SLC9A9: variants seen among roughly 807,000 people sequenced by gnomAD.
The protein encoded by SLC9A9 is solute carrier family 9 member A9.
In SLC9A9, 62 loss-of-function variants were observed where a neutral mutation model predicts 77.8. That is an observed-to-expected ratio of 0.80 (90% CI 0.65 to 0.98). The LOEUF is 0.98. SLC9A9 is among the 50% of genes least tolerant of loss of function. The pLI is 0.00. For missense variants in SLC9A9, 775 were observed against 774.9 expected (o/e 1.00, Z 0.00); for synonymous variants, 320 against 283.5 (o/e 1.13, Z -1.29).
At chr3:143,328,686 C>T (rs888065666) in intron 14 of SLC9A9, among the ~76,000 whole-genome samples, 3 of 152,220 alleles carry the variant, frequency 2.0e-5, no homozygotes, top group Non-Finnish European at 2.9e-5. Context: ...CCAGCCTTCA[C>T]ATGTTGTACA....
chr3:143,815,864 CA>C (rs1292491445), intron 2 of SLC9A9, among the ~76,000 whole-genome samples: 1 of 151,864 alleles, frequency 6.6e-6, no homozygotes, highest in Admixed American at 6.6e-5. Context: ...GATTCCATCT[CA>C]AAAAAACAAA....
chr3:143,768,260 T>A (rs1458045728), intron 4 of SLC9A9, among the ~76,000 whole-genome samples: 1 of 152,184 alleles, frequency 6.6e-6, no homozygotes, highest in Non-Finnish European at 1.5e-5. Flanking sequence ...ATTCCTGTGA[T>A]AATAAGTAAT....
chr3:143,622,940 C>T (rs1281090945), intron 6 of SLC9A9, among the ~76,000 whole-genome samples: 1 of 152,058 alleles, frequency 6.6e-6, no homozygotes, highest in Non-Finnish European at 1.5e-5. Flanking sequence ...AAATGGAAAA[C>T]AAAGAAAGGC....
intron 13 of SLC9A9, 47 bp from the exon 14 acceptor site, chr3:143,363,610 A>AT (rs774467845): frequency 1.3e-6 from 2 of 1,524,382 alleles, no homozygotes; most frequent in Non-Finnish European, 1.8e-6. Flanking sequence ...AGTCAAAAAG[A>AT]TTTTAATATA....
Position 143,382,158 on chromosome 3 carries a change from G to A in SLC9A9, c.1470-44C>T, listed in dbSNP as rs750169391. The A allele has an allele frequency of 2.5e-6, 4 of 1,604,970 alleles. No individual in the cohort carries two copies. In the African/African-American group the frequency reaches 4.0e-5, roughly 16 times the overall value. On this transcript the variant is annotated intron_variant, in intron 12 of 15. Transcript: ENST00000316549. ...AACTGGTCAATCCCCTGCTGCAGAA[G>A]GAATGAGACAGTCTTGTGTGTCAGA...
At position 143,832,141 on chromosome 3, in the gene SLC9A9, G is replaced by C. The variant is rs769697817; in HGVS notation, c.256C>G (p.Leu86Val). 1 of 1,613,214 alleles carries C rather than the reference G, an allele frequency of 6.2e-7. No individual in the cohort carries two copies. The highest frequency in any genetic ancestry group is 1.1e-5 in the South Asian group (1 of 91,066). The part of the protein sequence containing the change: ...ESGTVYDCVK[L>V]TFSPSTLLVN... ...AGCAGAGTTGATGGACTGAAAGTTA[G>C]TTTTACACAGTCATAGACAGTTCCA... Residue 86 changes from leucine (L) to valine (V), a missense_variant, in exon 2 of 16, where the codon CTA becomes GTA. Physicochemically the swap from Leu to Val is conservative, Grantham distance 32. Coordinates refer to ENST00000316549, the MANE Select transcript of SLC9A9 (RefSeq NM_173653.4).
chr3:143,517,679 G>C, intron 9 of SLC9A9: 1 of 1,597,514 alleles, frequency 6.3e-7, no homozygotes, highest in Middle Eastern at 2.3e-4. Context: ...CCACTTGTAA[G>C]GCTGAGCTGA....
intron 6 of SLC9A9, among the ~76,000 whole-genome samples, chr3:143,628,600 A>G (rs1320657606): frequency 2.6e-5 from 4 of 152,190 alleles, no homozygotes; most frequent in Non-Finnish European, 2.9e-5. Context: ...GACCATCTGT[A>G]TTATAAACAC....
chr3:143,484,748 G>A (rs1331501040), intron 11 of SLC9A9, among the ~76,000 whole-genome samples: 1 of 152,194 alleles, frequency 6.6e-6, no homozygotes, highest in South Asian at 2.1e-4. Flanking sequence ...GTTGTGTCAT[G>A]TAGATGAGAA....
At chr3:143,546,950 T>C (rs1475773887) in intron 9 of SLC9A9, among the ~76,000 whole-genome samples, 1 of 152,230 alleles carries the variant, frequency 6.6e-6, no homozygotes, top group Non-Finnish European at 1.5e-5. Context: ...CTTGAACCCA[T>C]TCTATTCAGG....
chr3:143,778,141 A>C (rs1020646140), intron 4 of SLC9A9, among the ~76,000 whole-genome samples: 13 of 151,448 alleles, frequency 8.6e-5, no homozygotes, highest in Admixed American at 8.6e-4. Flanking sequence ...GATTTCAATC[A>C]CTGTGTATGT....
intron 9 of SLC9A9, among the ~76,000 whole-genome samples, chr3:143,497,605 G>A (rs762837385): frequency 1.1e-4 from 16 of 152,146 alleles, no homozygotes; most frequent in African/African-American, 1.4e-4. Flanking sequence ...GGAAATGGCC[G>A]CCTGAAAGAG....
At chr3:143,779,517 A>G (rs578019680) in intron 4 of SLC9A9, among the ~76,000 whole-genome samples, 82 of 152,130 alleles carry the variant, frequency 5.4e-4, no homozygotes, top group African/African-American at 1.9e-3. Context: ...GATTACAAGT[A>G]TGCACCACAT....
intron 4 of SLC9A9, among the ~76,000 whole-genome samples, chr3:143,764,065 T>C (rs115264088): frequency 7.4e-4 from 113 of 152,236 alleles, no homozygotes; most frequent in Admixed American, 1.1e-3. Flanking sequence ...CCCAAGCTTA[T>C]ATTATAGAAT....
At chr3:143,287,549 A>G (rs1301493315) in intron 14 of SLC9A9, among the ~76,000 whole-genome samples, 3 of 152,166 alleles carry the variant, frequency 2.0e-5, no homozygotes, top group African/African-American at 4.8e-5. Context: ...CAGATCGTCC[A>G]TTGTTCTGAG....
chr3:143,773,967 T>C (rs1351377776), intron 4 of SLC9A9, among the ~76,000 whole-genome samples: 3 of 152,226 alleles, frequency 2.0e-5, no homozygotes, highest in Non-Finnish European at 2.9e-5. Flanking sequence ...AGTTCATTAG[T>C]TAATGAGTGA....
intron 12 of SLC9A9, among the ~76,000 whole-genome samples, chr3:143,403,036 T>C (rs960390990): frequency 6.6e-6 from 1 of 151,368 alleles, no homozygotes; most frequent in Non-Finnish European, 1.5e-5. Context: ...GCTCCACTCT[T>C]ACTTACTGAA....
chr3:143,828,812 C>T (rs921916486), intron 2 of SLC9A9, among the ~76,000 whole-genome samples: 2 of 152,186 alleles, frequency 1.3e-5, no homozygotes, highest in African/African-American at 4.8e-5. Context: ...GGTAGATCTG[C>T]AGCAGTGGAT....
At chr3:143,381,708 T>C (rs1455947382) in intron 13 of SLC9A9, among the ~76,000 whole-genome samples, 1 of 152,204 alleles carries the variant, frequency 6.6e-6, no homozygotes, top group Non-Finnish European at 1.5e-5. Context: ...GCAACATGCA[T>C]TGGACATACT....
Sources: gnomAD v4.1 joint callset for allele counts (sites outside exome capture counted in the v4.1 genomes callset) on GRCh38, gnomAD v4.1.1 for gene constraint, MANE v1.5 for transcripts, NCBI Gene and HGNC (gene_info 2026-07-23, HGNC 2026-07-21) for gene names.